SOCS5: variants seen among roughly 807,000 people sequenced by gnomAD.
The protein encoded by SOCS5 is CIS-6.
Under a neutral mutation model 42.8 loss-of-function variants are expected in SOCS5, and 32 were observed. The observed-to-expected ratio is 0.75, with a 90% confidence interval of 0.56 to 1.01. The LOEUF is 1.01. SOCS5 is among the 50% of genes least tolerant of loss of function. The pLI is 0.00. For missense variants in SOCS5, 627 were observed against 653.0 expected (o/e 0.96, Z 0.43); for synonymous variants, 283 against 229.6 (o/e 1.23, Z -2.10).
At chr2:46,732,920 C>T (rs17771201) in intron 1 of SOCS5, among the ~76,000 whole-genome samples, 8,123 of 152,142 alleles carry the variant, frequency 0.053, 297 homozygotes, top group Non-Finnish European at 0.084. Flanking sequence ...TTATAATCAA[C>T]TTTCACAATA....
rs118113899 is a variant in SOCS5 at position 46,755,883 on chromosome 2, C to T, written c.-12-2636C>T. Among the ~76,000 whole-genome samples, 215 of 152,236 alleles carry T rather than the reference C, an allele frequency of 1.4e-3. 5 individuals carry two copies. The East Asian group carries it at 0.014, about 10-fold the overall frequency. ...GTCGACTAGTCTGTGAATTACTGTCCGTATTTTTTCCTTCCTAATATTAAA... is the reference window on the plus strand; with the variant it reads ...GTCGACTAGTCTGTGAATTACTGTCTGTATTTTTTCCTTCCTAATATTAAA... On this transcript the variant is annotated intron_variant, in intron 1 of 1. Coordinates refer to ENST00000394861, the MANE Select transcript of SOCS5 (RefSeq NM_144949.3).
At chr2:46,730,430 G>A (rs867489809) in intron 1 of SOCS5, among the ~76,000 whole-genome samples, 4 of 151,802 alleles carry the variant, frequency 2.6e-5, no homozygotes, top group South Asian at 2.1e-4. Flanking sequence ...GTGAAACCCC[G>A]TCTCTACTAA....
Position 46,759,471 on chromosome 2 carries a change from G to T in SOCS5, c.941G>T (p.Ser314Ile). ...APGMTEISGD[S>I]SAIPQANCDS... is the part of the protein sequence containing the mutation. ...GGAATGACTGAAATAAGTGGGGACAGTTCTGCAATTCCACAAGCTAATTGT... is the reference window on the plus strand; with the variant it reads ...GGAATGACTGAAATAAGTGGGGACATTTCTGCAATTCCACAAGCTAATTGT... Residue 314 changes from serine (S) to isoleucine (I), a missense_variant, in exon 2 of 2, where the codon AGT becomes ATT. Physicochemically the swap from Ser to Ile is moderately radical, Grantham distance 142 (BLOSUM62 -2). This residue lies in a region of SOCS5 where 340 missense variants were observed against 367.6 expected (regional missense o/e 0.92). Transcript: ENST00000394861. 6.2e-7 allele frequency: 1 copy of T among 1,613,984 alleles called. No homozygotes were observed. Among genetic ancestry groups the T allele is most frequent in the South Asian group, 1.1e-5 (1 of 91,080 alleles).
intron 1 of SOCS5, among the ~76,000 whole-genome samples, chr2:46,710,811 A>G (rs1672604446): frequency 6.6e-6 from 1 of 152,234 alleles, no homozygotes; most frequent in Non-Finnish European, 1.5e-5. Flanking sequence ...TCATCCAGAA[A>G]GAGCCCCTGT....
At chr2:46,731,941 A>T (rs947531411) in intron 1 of SOCS5, among the ~76,000 whole-genome samples, 1 of 152,226 alleles carries the variant, frequency 6.6e-6, no homozygotes, top group Admixed American at 6.5e-5. Context: ...CTCTTGTGAG[A>T]TACTGTGAAA....
intron 1 of SOCS5, among the ~76,000 whole-genome samples, chr2:46,740,993 A>G (rs1400695439): frequency 2.0e-5 from 3 of 152,146 alleles, no homozygotes; most frequent in Admixed American, 6.5e-5. Context: ...ACTTACCACT[A>G]ATTCCTAATA....
chr2:46,717,061 T>G (rs1672763426), intron 1 of SOCS5, among the ~76,000 whole-genome samples: 1 of 152,214 alleles, frequency 6.6e-6, no homozygotes, highest in African/African-American at 2.4e-5. Flanking sequence ...TGTAGCCTCA[T>G]GGAGTTACAC....
At chr2:46,733,374 C>T (rs1464001677) in intron 1 of SOCS5, among the ~76,000 whole-genome samples, 15 of 152,006 alleles carry the variant, frequency 9.9e-5, no homozygotes, top group African/African-American at 2.2e-4. Context: ...GTATTATAGG[C>T]GTGAGCCACC....
At chr2:46,715,667 T>G (rs1672722351) in intron 1 of SOCS5, among the ~76,000 whole-genome samples, 1 of 152,200 alleles carries the variant, frequency 6.6e-6, no homozygotes, top group Non-Finnish European at 1.5e-5. Context: ...AGAAGTTTGT[T>G]GTAATTCTTG....
At chr2:46,756,897 CGA>C (rs1485946424) in intron 1 of SOCS5, among the ~76,000 whole-genome samples, 5 of 152,108 alleles carry the variant, frequency 3.3e-5, no homozygotes, top group African/African-American at 1.2e-4. Flanking sequence ...AAAATGCTTA[CGA>C]GAGAGATTTT....
chr2:46,754,842 G>C (rs942156046), intron 1 of SOCS5, among the ~76,000 whole-genome samples: 2 of 152,154 alleles, frequency 1.3e-5, no homozygotes, highest in Middle Eastern at 3.2e-3. Flanking sequence ...AGGATTCTTA[G>C]ATTATTTTAA....
At chr2:46,758,451 C>T (rs148852176) in intron 1 of SOCS5, 68 bp from the exon 2 acceptor site, 142 of 1,096,224 alleles carry the variant, frequency 1.3e-4, no homozygotes, top group Admixed American at 5.1e-4. Flanking sequence ...GGTGTGGGCA[C>T]TGCCTTAGCT....
intron 1 of SOCS5, among the ~76,000 whole-genome samples, chr2:46,700,825 A>T (rs915078703): frequency 6.6e-6 from 1 of 152,122 alleles, no homozygotes; most frequent in Non-Finnish European, 1.5e-5. Flanking sequence ...TTTCACTGAG[A>T]TCTTTAATCT....
chr2:46,745,000 C>T (rs567970828), intron 1 of SOCS5, among the ~76,000 whole-genome samples: 1 of 151,018 alleles, frequency 6.6e-6, no homozygotes, highest in Non-Finnish European at 1.5e-5. Flanking sequence ...GTAGAATTAT[C>T]CCATTTAAGT....
At chr2:46,723,796 A>C (rs1279170556) in intron 1 of SOCS5, among the ~76,000 whole-genome samples, 1 of 152,056 alleles carries the variant, frequency 6.6e-6, no homozygotes, top group Non-Finnish European at 1.5e-5. Context: ...TGTCTGTATC[A>C]GTGCAAAATA....
rs779256971 is a variant in SOCS5, at chr2:46,759,914, C to G, written c.1384C>G (p.Pro462Ala). 1 of 1,613,998 alleles carries G rather than the reference C, an allele frequency of 6.2e-7. No homozygotes were observed. The highest frequency in any genetic ancestry group is 1.1e-5 in the South Asian group (1 of 91,074). ...GGGACTTTTAGAACATTATAAAGAT[C>G]CCAGTTCGTGCATGTTTTTTGAACC... ...VTGLLEHYKD[P>A]SSCMFFEPLL... Residue 462 changes from proline to alanine, a missense_variant, in exon 2 of 2, where the codon CCC (proline) becomes GCC (alanine). By Grantham distance (27) the Pro-to-Ala change is conservative. Around this residue, in one of 3 missense-constraint regions of SOCS5, gnomAD observed 340 missense variants for 367.6 expected, o/e 0.92. Transcript: ENST00000394861.
chr2:46,703,531 A>G (rs1015081208), intron 1 of SOCS5, among the ~76,000 whole-genome samples: 1 of 152,240 alleles, frequency 6.6e-6, no homozygotes, highest in African/African-American at 2.4e-5. Flanking sequence ...TCTATTACAT[A>G]ATCTAATCAT....
chr2:46,725,333 T>G (rs1373158007), intron 1 of SOCS5, among the ~76,000 whole-genome samples: 1 of 152,132 alleles, frequency 6.6e-6, no homozygotes, highest in Non-Finnish European at 1.5e-5. Context: ...TGTCTTTTAT[T>G]GGTATTTTTA....
intron 1 of SOCS5, among the ~76,000 whole-genome samples, chr2:46,715,550 C>T (rs1672719405): frequency 1.3e-5 from 2 of 151,960 alleles, no homozygotes; most frequent in Admixed American, 1.3e-4. Flanking sequence ...TTTGTTTTCA[C>T]TTTTGAAAGT....
Sources: allele counts gnomAD v4.1 joint callset (sites outside exome capture counted in the v4.1 genomes callset), GRCh38; gene constraint gnomAD v4.1.1; regional missense constraint gnomAD v4.1.1; transcripts MANE v1.5; gene names NCBI Gene and HGNC (gene_info 2026-07-23, HGNC 2026-07-21).